Variants in SYT1 observed in about 807,000 individuals in gnomAD.
The protein encoded by SYT1 is synaptotagmin-1.
In SYT1, 8 loss-of-function variants were observed where a neutral mutation model predicts 44.8. The observed-to-expected ratio is 0.18, with a 90% CI of 0.10 to 0.32. SYT1 has a LOEUF of 0.32. SYT1 is among the 10% of genes least tolerant of loss of function. SYT1 has a pLI of 1.00. For missense variants in SYT1, 286 were observed against 509.3 expected (o/e 0.56, Z 4.22); for synonymous variants, 154 against 188.8 (o/e 0.82, Z 1.51).
intron 4 of SYT1, among the ~76,000 whole-genome samples, chr12:79,260,805 A>T (rs376089671): frequency 1.3e-5 from 2 of 149,664 alleles, no homozygotes; most frequent in Non-Finnish European, 3.0e-5. Context: ...GAAATCTCAT[A>T]TTTTTTTTTT....
At chr12:79,176,802 C>G (rs746726610) in intron 3 of SYT1, among the ~76,000 whole-genome samples, 4 of 151,926 alleles carry the variant, frequency 2.6e-5, no homozygotes, top group Non-Finnish European at 5.9e-5. Context: ...GAAGACACTT[C>G]AACCTATAAC....
upstream of SYT1, chr12:78,864,448 G>A (rs1345946052): frequency 2.0e-5 from 3 of 151,688 alleles, no homozygotes; most frequent in Non-Finnish European, 4.4e-5. Context: ...AGTCTACCTA[G>A]AGGTTTTATC....
intron 1 of SYT1, among the ~76,000 whole-genome samples, chr12:78,912,907 T>C (rs1256243784): frequency 6.6e-6 from 1 of 151,864 alleles, no homozygotes; most frequent in South Asian, 2.1e-4. Context: ...AAATGTCCAT[T>C]GATTGAAAAT....
intron 3 of SYT1, among the ~76,000 whole-genome samples, chr12:79,085,621 A>G (rs1877330151): frequency 6.6e-6 from 1 of 152,116 alleles, no homozygotes; most frequent in Non-Finnish European, 1.5e-5. Context: ...ATTGGGTCCT[A>G]ATTAGAGAAC....
chr12:78,977,356 G>T (rs1868920265), intron 1 of SYT1, among the ~76,000 whole-genome samples: 2 of 152,120 alleles, frequency 1.3e-5, no homozygotes, highest in South Asian at 4.1e-4. Context: ...TTCTGAAAAG[G>T]TAGGAGAACA....
At chr12:79,175,412 A>G (rs1871796798) in intron 3 of SYT1, among the ~76,000 whole-genome samples, 1 of 152,090 alleles carries the variant, frequency 6.6e-6, no homozygotes, top group South Asian at 2.1e-4. Flanking sequence ...GCAAACTTAA[A>G]TGGGAAACAT....
At chr12:79,389,052 T>C (rs1341865550) in intron 9 of SYT1, among the ~76,000 whole-genome samples, 1 of 152,218 alleles carries the variant, frequency 6.6e-6, no homozygotes, top group African/African-American at 2.4e-5. Flanking sequence ...TAAGTAGATA[T>C]ATTCCACTTG....
intron 4 of SYT1, among the ~76,000 whole-genome samples, chr12:79,252,660 T>A (rs1877285844): frequency 6.6e-6 from 1 of 152,158 alleles, no homozygotes; most frequent in African/African-American, 2.4e-5. Flanking sequence ...GGTCTCTAAG[T>A]GACTGCAATA....
chr12:79,229,603 T>A (rs76981314), intron 4 of SYT1, among the ~76,000 whole-genome samples: 8 of 69,100 alleles, frequency 1.2e-4, no homozygotes, highest in African/African-American at 6.1e-4. Flanking sequence ...TTTATTTTTT[T>A]ATTTTTTTTA....
chr12:79,067,485 T>C (rs1288580351), intron 3 of SYT1, among the ~76,000 whole-genome samples: 1 of 152,190 alleles, frequency 6.6e-6, no homozygotes, highest in East Asian at 1.9e-4. Flanking sequence ...AAGAGGCTTT[T>C]CTTTTTTTAA....
chr12:79,154,142 G>T (rs922893677), intron 3 of SYT1, among the ~76,000 whole-genome samples: 1 of 152,096 alleles, frequency 6.6e-6, no homozygotes, highest in South Asian at 2.1e-4. Flanking sequence ...CCTGATTCTT[G>T]GTTAAATTTC....
chr12:79,180,945 G>A (rs773290536), intron 3 of SYT1, among the ~76,000 whole-genome samples: 9 of 152,024 alleles, frequency 5.9e-5, no homozygotes, highest in Non-Finnish European at 1.2e-4. Context: ...CCTCATGATA[G>A]CGAGTGAGTT....
chr12:79,009,627 G>C (rs1441005163), intron 2 of SYT1, among the ~76,000 whole-genome samples: 1 of 152,134 alleles, frequency 6.6e-6, no homozygotes, highest in African/African-American at 2.4e-5. Flanking sequence ...CTGAGGCTTA[G>C]AAAGGTTAAA....
intron 1 of SYT1, among the ~76,000 whole-genome samples, chr12:78,897,828 T>A (rs1487198201): frequency 2.0e-5 from 3 of 152,068 alleles, no homozygotes; most frequent in Non-Finnish European, 2.9e-5. Context: ...AAGCCTCTGA[T>A]GCCTTTGTTG....
intron 6 of SYT1, among the ~76,000 whole-genome samples, chr12:79,292,736 AG>A (rs1007501117): frequency 7.9e-5 from 12 of 152,142 alleles, no homozygotes; most frequent in Non-Finnish European, 1.5e-4. Context: ...AAAAGTGACA[AG>A]GAACTAAAGG....
At chr12:79,057,630 T>C (rs1428049022) in intron 3 of SYT1, among the ~76,000 whole-genome samples, 3 of 152,070 alleles carry the variant, frequency 2.0e-5, no homozygotes, top group African/African-American at 4.8e-5. Context: ...TTCTCTTTTG[T>C]ACTTTAAAAT....
At chr12:79,435,569 C>G (rs142645745) in intron 9 of SYT1, among the ~76,000 whole-genome samples, 60 of 152,240 alleles carry the variant, frequency 3.9e-4, no homozygotes, top group African/African-American at 1.4e-3. Context: ...GTTAGGGACC[C>G]AGGATCTTCC....
chr12:79,333,203 A>G (rs372838744), intron 8 of SYT1, among the ~76,000 whole-genome samples: 40 of 152,340 alleles, frequency 2.6e-4, no homozygotes, highest in African/African-American at 8.9e-4. Flanking sequence ...CTGGAAGCTG[A>G]GAAGTCTGAG....
At chr12:79,272,053 A>G (rs1442219978) in intron 4 of SYT1, among the ~76,000 whole-genome samples, 1 of 152,218 alleles carries the variant, frequency 6.6e-6, no homozygotes, top group Non-Finnish European at 1.5e-5. Context: ...AAAATCCATC[A>G]ATGCTAAGTG....
Sources: gnomAD v4.1 joint callset for allele counts (sites outside exome capture counted in the v4.1 genomes callset) on GRCh38, gnomAD v4.1.1 for gene constraint, MANE v1.5 for transcripts, NCBI Gene and HGNC (gene_info 2026-07-23, HGNC 2026-07-21) for gene names.